The following SND1 variants were observed in gnomAD, a reference collection of about 807,000 sequenced individuals.
The protein encoded by SND1 is staphylococcal nuclease and tudor domain containing 1.
A neutral mutation model predicts 121.7 loss-of-function variants in SND1; 38 were observed. The ratio of observed to expected loss-of-function variants is 0.31; its 90% confidence interval spans 0.24 to 0.41. The LOEUF is 0.41. Ranked by LOEUF, SND1 falls within the 10% of genes least tolerant of loss-of-function variation. The pLI is 1.00. For missense variants in SND1, 868 were observed against 1,184.6 expected, an observed-to-expected ratio of 0.73 and a Z score of 3.92; for synonymous variants, 401 against 447.4, an observed-to-expected ratio of 0.90 and a Z score of 1.31.
chr7:127,790,275 G>A (rs1797884292), intron 10 of SND1, among the ~76,000 whole-genome samples: 1 of 152,162 alleles, frequency 6.6e-6, no homozygotes, highest in Admixed American at 6.5e-5. Flanking sequence ...TCTGGAGGAG[G>A]GAGTGGTGCT....
intron 14 of SND1, among the ~76,000 whole-genome samples, chr7:127,921,327 C>T (rs1800701252): frequency 6.6e-6 from 1 of 152,076 alleles, no homozygotes; most frequent in Non-Finnish European, 1.5e-5. Flanking sequence ...CTGTGCTTTT[C>T]TAACCCCTTG....
At chr7:127,863,874 C>T (rs1043129452) in intron 12 of SND1, among the ~76,000 whole-genome samples, 5 of 152,156 alleles carry the variant, frequency 3.3e-5, no homozygotes, top group East Asian at 1.9e-4. Context: ...AAAACTTTAA[C>T]TCCAAAAACT....
At chr7:127,907,413 A>G (rs1384384373) in intron 14 of SND1, among the ~76,000 whole-genome samples, 1 of 152,220 alleles carries the variant, frequency 6.6e-6, no homozygotes, top group Non-Finnish European at 1.5e-5. Flanking sequence ...TAAACAGGGA[A>G]AAAGACAATG....
intron 12 of SND1, among the ~76,000 whole-genome samples, chr7:127,883,112 G>A (rs1799826357): frequency 6.6e-6 from 1 of 152,094 alleles, no homozygotes. Context: ...AGGTGACATG[G>A]GTCTCACAGG....
At chr7:128,047,954 TCTC>T (rs1179402501) in intron 16 of SND1, among the ~76,000 whole-genome samples, 2 of 151,992 alleles carry the variant, frequency 1.3e-5, no homozygotes, top group African/African-American at 4.8e-5. Flanking sequence ...TTCAAACAAT[TCTC>T]CTGCCTCAGC....
At chr7:127,962,169 T>C in intron 15 of SND1, among the ~76,000 whole-genome samples, 1 of 152,262 alleles carries the variant, frequency 6.6e-6, no homozygotes, top group East Asian at 1.9e-4. Flanking sequence ...TGATGTGTTC[T>C]CTCTCTGCTT....
chr7:127,990,681 T>A (rs139639029), intron 15 of SND1, among the ~76,000 whole-genome samples: 16 of 152,334 alleles, frequency 1.1e-4, no homozygotes, highest in African/African-American at 3.8e-4. Flanking sequence ...AAGGCTCCTT[T>A]CGCCATGTGC....
rs1792570316 is a variant in SND1 at position 128,030,868 on chromosome 7, C to G, written c.1779+39812C>G. On this transcript the variant is annotated intron_variant, in intron 16 of 23. Coordinates refer to ENST00000354725, the MANE Select transcript of SND1 (RefSeq NM_014390.4). ...AAGGCAAGCCCTCCGAAAGCTACGACTCTCCCACACTGCAACCGTCCCCAC... is the reference window on the plus strand; with the variant it reads ...AAGGCAAGCCCTCCGAAAGCTACGAGTCTCCCACACTGCAACCGTCCCCAC... 3 of 501,432 alleles carry G rather than the reference C, an allele frequency of 6.0e-6. No individual in the cohort carries two copies. In the Admixed American group the frequency reaches 1.1e-4, roughly 19 times the overall value. 31.1% of individuals were successfully genotyped at this position (501,432 alleles called of 1,614,324 possible).
At chr7:127,903,244 G>A (rs1265171200) in intron 13 of SND1, among the ~76,000 whole-genome samples, 1 of 151,800 alleles carries the variant, frequency 6.6e-6, no homozygotes, top group Non-Finnish European at 1.5e-5. Flanking sequence ...GACTGGTCTC[G>A]AACTCCTGAC....
At chr7:127,913,204 C>T (rs1181913233) in intron 14 of SND1, among the ~76,000 whole-genome samples, 1 of 152,196 alleles carries the variant, frequency 6.6e-6, no homozygotes, top group Admixed American at 6.5e-5. Flanking sequence ...ACAAAAACAT[C>T]TTCCTCCCAG....
intron 9 of SND1, among the ~76,000 whole-genome samples, chr7:127,708,573 G>A (rs983974544): frequency 6.6e-6 from 1 of 152,080 alleles, no homozygotes; most frequent in African/African-American, 2.4e-5. Context: ...TCTTCTTTCT[G>A]TTTTGGAGCT....
chr7:128,064,974 C>T (rs1178671482), intron 16 of SND1, among the ~76,000 whole-genome samples: 1 of 152,184 alleles, frequency 6.6e-6, no homozygotes, highest in Non-Finnish European at 1.5e-5. Context: ...TGACTGGTAG[C>T]CAGCTGCATT....
chr7:127,749,870 G>T (rs1797054271), intron 10 of SND1, among the ~76,000 whole-genome samples: 1 of 152,160 alleles, frequency 6.6e-6, no homozygotes. Flanking sequence ...AATTTGGGAG[G>T]CCAAGATGGG....
chr7:128,054,749 C>A (rs1793107055), intron 16 of SND1, among the ~76,000 whole-genome samples: 1 of 152,208 alleles, frequency 6.6e-6, no homozygotes, highest in East Asian at 1.9e-4. Flanking sequence ...TCCCTGCCTG[C>A]CTCGTGACCT....
rs139350262 is a variant in SND1 at position 127,809,575 on chromosome 7, C to G, written c.1242+2002C>G. ...ACCAATTCCCTTCAGACCTCTGCAGCTGTTCAGCATGGCACATGGTGATTA... is the reference window on the plus strand; with the variant it reads ...ACCAATTCCCTTCAGACCTCTGCAGGTGTTCAGCATGGCACATGGTGATTA... On this transcript the variant is annotated intron_variant, in intron 11 of 23. Coordinates refer to ENST00000354725, the MANE Select transcript of SND1 (RefSeq NM_014390.4). Among the ~76,000 whole-genome samples the G allele has an allele frequency of 5.1e-4, 78 of 152,326 alleles. 1 individual carries two copies. The East Asian group carries it at 6.6e-3, about 13-fold the overall frequency.
intron 16 of SND1, among the ~76,000 whole-genome samples, chr7:128,065,824 G>A (rs572409875): frequency 6.6e-6 from 1 of 152,324 alleles, no homozygotes; most frequent in South Asian, 2.1e-4. Context: ...CGTCAACTGG[G>A]AACATGAGGA....
At chr7:127,883,359 G>A (rs1232066374) in intron 12 of SND1, among the ~76,000 whole-genome samples, 1 of 152,086 alleles carries the variant, frequency 6.6e-6, no homozygotes, top group Non-Finnish European at 1.5e-5. Context: ...ATTTTTGCCT[G>A]CCTTCCCTAC....
intron 17 of SND1, among the ~76,000 whole-genome samples, chr7:128,075,501 C>T (rs1390244215): frequency 6.6e-6 from 1 of 152,196 alleles, no homozygotes; most frequent in Non-Finnish European, 1.5e-5. Flanking sequence ...CAAAAAGAGT[C>T]GGGGGCTTTG....
chr7:127,677,321 G>A (rs531598958), intron 1 of SND1, among the ~76,000 whole-genome samples: 126 of 152,280 alleles, frequency 8.3e-4, no homozygotes, highest in African/African-American at 3.0e-3. Flanking sequence ...TGATGAAATG[G>A]AGGCTAATGG....
Sources: gnomAD v4.1 joint callset for allele counts (sites outside exome capture counted in the v4.1 genomes callset) on GRCh38, gnomAD v4.1.1 for gene constraint, MANE v1.5 for transcripts, NCBI Gene and HGNC (gene_info 2026-07-23, HGNC 2026-07-21) for gene names.